PRDM16: variants seen among roughly 807,000 people sequenced by gnomAD.
The protein encoded by PRDM16 is PR/SET domain 16, also known as histone-lysine N-methyltransferase PRDM16.
Under a neutral mutation model 110.6 loss-of-function variants are expected in PRDM16, and 23 were observed. The observed-to-expected ratio is 0.21, with a 90% CI of 0.15 to 0.29. The LOEUF is 0.29. Among genes scored for constraint, PRDM16 ranks in the 10% least tolerant of loss-of-function variants. The probability of loss-of-function intolerance (pLI) is 1.00; values close to 1 mark genes in which losing one functional copy is unlikely to be tolerated. For missense variants in PRDM16, 1,615 were observed against 1,794.3 expected, an observed-to-expected ratio of 0.90 and a Z score of 1.81; for synonymous variants, 799 against 781.8, an observed-to-expected ratio of 1.02 and a Z score of -0.37.
chr1:3,355,330 C>T (rs1245011229), intron 3 of PRDM16, among the ~76,000 whole-genome samples: 1 of 152,090 alleles, frequency 6.6e-6, no homozygotes, highest in Non-Finnish European at 1.5e-5. Context: ...CACCCACCCA[C>T]CCACCATCTG....
chr1:3,366,702 A>G (rs1444598579), intron 3 of PRDM16, among the ~76,000 whole-genome samples: 1 of 152,184 alleles, frequency 6.6e-6, no homozygotes, highest in African/African-American at 2.4e-5. Context: ...GAAAAAACTG[A>G]GGTCGGAGCA....
chr1:3,373,179 G>T (rs1204776014), intron 3 of PRDM16, among the ~76,000 whole-genome samples: 1 of 152,138 alleles, frequency 6.6e-6, no homozygotes, highest in African/African-American at 2.4e-5. Flanking sequence ...GGTTAGGGGA[G>T]CCGGCTTCTG....
chr1:3,403,084 TCCTCCCCTCCCTTCCCCCGCCTC>T, intron 6 of PRDM16, 86 bp downstream of exon 6: 3 of 1,138,778 alleles, frequency 2.6e-6, no homozygotes, highest in Admixed American at 2.2e-5. Flanking sequence ...CTCTGAGTCT[TCCTCCCCTCCCTTCCCCCGCCTC>T]GCCCCCCAAC....
intron 3 of PRDM16, among the ~76,000 whole-genome samples, chr1:3,323,607 C>T (rs1327777296): frequency 6.6e-6 from 1 of 152,216 alleles, no homozygotes; most frequent in African/African-American, 2.4e-5. Flanking sequence ...GGCCAGGGAA[C>T]CCCCAGCTCC....
intron 1 of PRDM16, among the ~76,000 whole-genome samples, chr1:3,183,359 AT>A (rs1644232413): frequency 6.6e-6 from 1 of 152,184 alleles, no homozygotes; most frequent in African/African-American, 2.4e-5. Context: ...AGAGCGAGTG[AT>A]CTGTGCCTGG....
chr1:3,104,324 C>G (rs1642597936), intron 1 of PRDM16, among the ~76,000 whole-genome samples: 1 of 152,116 alleles, frequency 6.6e-6, no homozygotes, highest in South Asian at 2.1e-4. Flanking sequence ...CTAGAAGGAG[C>G]TGGGAGGGGT....
rs1553161914 is a variant in PRDM16 at position 3,314,071 on chromosome 1, C to CCGGGGG, written c.438+69934_438+69935insCGGGGG. Among the ~76,000 whole-genome samples the CCGGGGG allele has an allele frequency of 2.0e-4, 20 of 100,652 alleles. 1 individual carries two copies. In the East Asian group the frequency reaches 4.2e-3, roughly 21 times the overall value. 66.0% of individuals were successfully genotyped at this position (100,652 alleles called of 152,430 possible). A position where few individuals can be genotyped will look rare whatever the true frequency, so the allele number is the denominator to read the frequency against. On this transcript the variant is annotated intron_variant, in intron 3 of 16. Transcript: ENST00000270722. ...GCCCCCGAATGCCGTCCTTCCCCAC[C>CCGGGGG]GGGGGGGGGGGCGGGAACATAAAAT...
chr1:3,114,531 CAT>C (rs1642906638), intron 1 of PRDM16, among the ~76,000 whole-genome samples: 1 of 151,928 alleles, frequency 6.6e-6, no homozygotes, highest in East Asian at 1.9e-4. Flanking sequence ...CACACGCACA[CAT>C]GCACACATGA....
At chr1:3,403,412 G>T (rs1220941939) in intron 6 of PRDM16, among the ~76,000 whole-genome samples, 1 of 152,240 alleles carries the variant, frequency 6.6e-6, no homozygotes, top group East Asian at 1.9e-4. Flanking sequence ...ACCGGGATGG[G>T]GGTGGCAGCA....
intron 1 of PRDM16, among the ~76,000 whole-genome samples, chr1:3,139,612 A>G (rs1027303910): frequency 6.6e-6 from 1 of 152,214 alleles, no homozygotes; most frequent in African/African-American, 2.4e-5. Flanking sequence ...CATTGTTACA[A>G]TATCTGTGGG....
intron 3 of PRDM16, among the ~76,000 whole-genome samples, chr1:3,364,700 G>A (rs1040787081): frequency 3.3e-5 from 5 of 152,236 alleles, no homozygotes; most frequent in Admixed American, 2.6e-4. Flanking sequence ...CAGCTGCGCG[G>A]GGGACAGGCG....
At chr1:3,203,583 G>A (rs1057145875) in intron 2 of PRDM16, among the ~76,000 whole-genome samples, 2 of 106,774 alleles carry the variant, frequency 1.9e-5, no homozygotes, top group Middle Eastern at 4.9e-3. Context: ...TTCTCTCCCC[G>A]GGGGGGCCAG....
At chr1:3,394,574 C>A (rs928542490) in intron 4 of PRDM16, 37 of 380,932 alleles carry the variant, frequency 9.7e-5, no homozygotes, top group Non-Finnish European at 1.8e-4. Context: ...TAACGGGACC[C>A]CTCGAGAAGC....
intron 3 of PRDM16, among the ~76,000 whole-genome samples, chr1:3,373,649 G>A (rs995321177): frequency 6.6e-6 from 1 of 152,198 alleles, no homozygotes; most frequent in African/African-American, 2.4e-5. Flanking sequence ...GGACAGACGC[G>A]GGACCTGGAG....
intron 1 of PRDM16, among the ~76,000 whole-genome samples, chr1:3,117,967 G>T (rs1642998459): frequency 6.6e-6 from 1 of 152,156 alleles, no homozygotes; most frequent in Non-Finnish European, 1.5e-5. Flanking sequence ...GTGCATGCAT[G>T]CTCATGCTGT....
chr1:3,072,297 C>T (rs1641783038), intron 1 of PRDM16, among the ~76,000 whole-genome samples: 1 of 152,206 alleles, frequency 6.6e-6, no homozygotes, highest in Non-Finnish European at 1.5e-5. Context: ...ATCACCATCG[C>T]CCTCATAGCA....
At chr1:3,211,922 G>A (rs1157020322) in intron 2 of PRDM16, among the ~76,000 whole-genome samples, 3 of 152,332 alleles carry the variant, frequency 2.0e-5, no homozygotes, top group East Asian at 3.9e-4. Context: ...CTGCTGTAAA[G>A]GCTCGCTGCA....
intron 3 of PRDM16, among the ~76,000 whole-genome samples, chr1:3,293,554 A>G (rs1553290): frequency 0.015 from 2,238 of 152,326 alleles, 49 homozygotes; most frequent in African/African-American, 0.05. Flanking sequence ...ATAGAATTCC[A>G]TTATTGTTTC....
In PRDM16 at chr1:3,358,192, G is replaced by A. The variant is rs1642645476; in HGVS notation, c.439-26960G>A. Among the ~76,000 whole-genome samples, 1 of 152,240 alleles carries A rather than the reference G, an allele frequency of 6.6e-6. No individual in the cohort carries two copies. The highest frequency in any genetic ancestry group is 2.4e-5 in the African/African-American group (1 of 41,474). ...GACACGGTGCAATAGGCCACTTTCT[G>A]GCCTTGGAGGGAAGTTTGTCTTCCT... is the stretch of plus-strand genomic sequence containing the variant. On this transcript the variant is annotated intron_variant, in intron 3 of 16. Coordinates refer to ENST00000270722, the MANE Select transcript of PRDM16 (RefSeq NM_022114.4). The surrounding 1 kb of genome is among the most constrained non-coding windows in gnomAD (Gnocchi z 4.0).
Sources: allele counts gnomAD v4.1 joint callset (sites outside exome capture counted in the v4.1 genomes callset), GRCh38; gene constraint gnomAD v4.1.1; non-coding constraint Gnocchi (gnomAD v3.1); transcripts MANE v1.5; gene names NCBI Gene and HGNC (gene_info 2026-07-23, HGNC 2026-07-21).